ZDHHC15: variants seen among roughly 807,000 people sequenced by gnomAD.
The protein encoded by ZDHHC15 is zDHHC palmitoyltransferase 15, also known as palmitoyltransferase ZDHHC15.
Under a neutral mutation model 31.7 loss-of-function variants are expected in ZDHHC15, and 19 were observed. The observed-to-expected ratio is 0.60, with a 90% CI of 0.42 to 0.88. ZDHHC15 has a LOEUF of 0.88. Among genes scored for constraint, ZDHHC15 ranks in the 40% least tolerant of loss-of-function variants. The pLI is 0.00. For synonymous variants in ZDHHC15, 103 were observed against 90.0 expected (o/e 1.14, Z -0.82); for missense variants, 209 against 251.2 (o/e 0.83, Z 1.14).
chrX:75,498,547 A>G (rs1210166283), intron 2 of ZDHHC15, among the ~76,000 whole-genome samples: 2 of 111,576 alleles, frequency 1.8e-5, no homozygotes, highest in African/African-American at 6.5e-5. Context: ...CAATAACTGA[A>G]TAAAGCAACA....
chrX:75,469,259 A>G (rs1397552947), intron 3 of ZDHHC15, among the ~76,000 whole-genome samples: 2 of 111,806 alleles, frequency 1.8e-5, no homozygotes, highest in African/African-American at 6.5e-5. Flanking sequence ...GTGTAATGAA[A>G]TTTAACCATT....
intron 4 of ZDHHC15, among the ~76,000 whole-genome samples, chrX:75,445,817 C>G (rs1353125822): frequency 9.0e-6 from 1 of 111,575 alleles, no homozygotes; most frequent in Non-Finnish European, 1.9e-5. Context: ...TCCAATGCAT[C>G]TTATTTGCCA....
At chrX:75,421,710 C>A (rs1347270531) in intron 9 of ZDHHC15, among the ~76,000 whole-genome samples, 154 bp downstream of exon 9, 1 of 106,969 alleles carries the variant, frequency 9.3e-6, no homozygotes, top group African/African-American at 3.4e-5. Flanking sequence ...AGACCCTCAC[C>A]TCTTTATTTG....
intron 10 of ZDHHC15, among the ~76,000 whole-genome samples, chrX:75,390,553 C>T (rs2083232363): frequency 9.0e-6 from 1 of 111,441 alleles, no homozygotes; most frequent in African/African-American, 3.3e-5. Flanking sequence ...AGAACGAGAG[C>T]CTCTGTCTGG....
At chrX:75,375,523 T>C (rs2083051061) in intron 11 of ZDHHC15, among the ~76,000 whole-genome samples, 2 of 111,399 alleles carry the variant, frequency 1.8e-5, no homozygotes, top group Admixed American at 9.6e-5. Flanking sequence ...GTAGTGAGCA[T>C]AGTACCCAAT....
chrX:75,429,759 C>G (rs1391816095), intron 6 of ZDHHC15, among the ~76,000 whole-genome samples, 189 bp downstream of exon 6: 1 of 111,686 alleles, frequency 9.0e-6, no homozygotes, highest in African/African-American at 3.3e-5. Flanking sequence ...CAGGAATTCA[C>G]TACCATACCT....
At chrX:75,466,234 C>T (rs2084404277) in intron 3 of ZDHHC15, among the ~76,000 whole-genome samples, 2 of 111,888 alleles carry the variant, frequency 1.8e-5, no homozygotes, top group Non-Finnish European at 3.8e-5. Context: ...AAATCAAAGC[C>T]ACAAAGAGAT....
chrX:75,379,633 T>C (rs2083094504), intron 10 of ZDHHC15, among the ~76,000 whole-genome samples: 1 of 112,143 alleles, frequency 8.9e-6, no homozygotes, highest in South Asian at 3.7e-4. Flanking sequence ...ATAAGAGGCT[T>C]TGGGATTAAC....
At chrX:75,414,965 G>A (rs1296806355) in intron 10 of ZDHHC15, among the ~76,000 whole-genome samples, 1 of 105,413 alleles carries the variant, frequency 9.5e-6, no homozygotes, top group Non-Finnish European at 1.9e-5. Context: ...GTAGAGATGC[G>A]GTTTTGCCAT....
intron 10 of ZDHHC15, among the ~76,000 whole-genome samples, chrX:75,413,400 G>A (rs188113723): frequency 9.0e-6 from 1 of 111,679 alleles, no homozygotes; most frequent in Admixed American, 9.5e-5. Flanking sequence ...AATTTGAAAG[G>A]AGTGACACTT....
intron 9 of ZDHHC15, 138 bp from the exon 10 acceptor site, chrX:75,417,328 A>C: frequency 2.5e-6 from 1 of 393,097 alleles, no homozygotes. Flanking sequence ...ATGGGCTCTT[A>C]CAATAGCATT....
chrX:75,391,700 T>C (rs1187835553), intron 10 of ZDHHC15, among the ~76,000 whole-genome samples: 2 of 112,312 alleles, frequency 1.8e-5, no homozygotes, highest in East Asian at 2.8e-4. Context: ...AAGTGTTCTA[T>C]AAGAAATGCT....
Position 75,368,762 on chromosome X carries a change from C to G in ZDHHC15, c.*4216G>C, listed in dbSNP as rs774958324. ...TTTAATGCCATTCCCTACTAACAAT[C>G]TATTTCCTGGTATATTGAATTCATT... On this transcript the variant is annotated 3_prime_UTR_variant, in exon 12 of 12. Coordinates refer to ENST00000373367, the MANE Select transcript of ZDHHC15 (RefSeq NM_144969.3). The G allele has an allele frequency of 3.6e-5, 4 of 111,162 alleles. No individual in the cohort carries two copies. The South Asian group carries it at 1.5e-3, about 43-fold the overall frequency. The allele number at this position is 111,162 out of a possible 1,213,427, so 9.2% of individuals were successfully genotyped here.
chrX:75,510,720 TC>T (rs1321516329), intron 1 of ZDHHC15, among the ~76,000 whole-genome samples: 1 of 76,830 alleles, frequency 1.3e-5, no homozygotes, highest in African/African-American at 4.8e-5. Context: ...ATGCTATCCC[TC>T]CCCCATCCCC....
intron 10 of ZDHHC15, among the ~76,000 whole-genome samples, chrX:75,404,114 T>C (rs780256107): frequency 5.4e-5 from 6 of 111,275 alleles, no homozygotes; most frequent in African/African-American, 1.6e-4. Context: ...CTGACAAAAA[T>C]AAACAATGGG....
intron 11 of ZDHHC15, among the ~76,000 whole-genome samples, chrX:75,376,452 G>T (rs1386469140): frequency 2.7e-5 from 3 of 110,783 alleles, no homozygotes; most frequent in Non-Finnish European, 5.7e-5. Context: ...TTGCTTTTGG[G>T]GACTTGGCCA....
Position 75,372,409 on chromosome X carries a change from G to A in ZDHHC15, c.*569C>T. 1 of 111,714 alleles carries A rather than the reference G, an allele frequency of 9.0e-6. No homozygotes were observed. Among genetic ancestry groups the A allele is most frequent in the South Asian group, 3.7e-4 (1 of 2,670 alleles). 9.2% of individuals were successfully genotyped at this position (111,714 alleles called of 1,213,427 possible). On this transcript the variant is annotated 3_prime_UTR_variant, in exon 12 of 12. Transcript: ENST00000373367. ...TGATATAGCGATGATTCAAAGTCTA[G>A]CAAATATTTAAGTTGCTATTTAGAG...
chrX:75,519,080 A>G (rs1348528678), intron 1 of ZDHHC15, among the ~76,000 whole-genome samples: 1 of 109,146 alleles, frequency 9.2e-6, no homozygotes, highest in Non-Finnish European at 1.9e-5. Flanking sequence ...CTTAATGCTT[A>G]TGAGGTTTCT....
At chrX:75,378,327 T>A (rs2083080208) in intron 11 of ZDHHC15, among the ~76,000 whole-genome samples, 1 of 111,893 alleles carries the variant, frequency 8.9e-6, no homozygotes, top group African/African-American at 3.2e-5. Flanking sequence ...ATCATATATA[T>A]CAAGTACACA....
Sources: gnomAD v4.1 joint callset for allele counts (sites outside exome capture counted in the v4.1 genomes callset) on GRCh38, gnomAD v4.1.1 for gene constraint, MANE v1.5 for transcripts, NCBI Gene and HGNC (gene_info 2026-07-23, HGNC 2026-07-21) for gene names.